AKAP6: variants seen among roughly 807,000 people sequenced by gnomAD.
The protein encoded by AKAP6 is A-kinase anchoring protein 6, also known as A-kinase anchor protein 6.
In AKAP6, 58 loss-of-function variants were observed where a neutral mutation model predicts 188.5. The observed-to-expected ratio is 0.31, with a 90% CI of 0.25 to 0.38. The LOEUF (loss-of-function observed/expected upper bound fraction) is 0.38. Among genes scored for constraint, AKAP6 ranks in the 10% least tolerant of loss-of-function variants. The pLI is 1.00. For missense variants in AKAP6, 2,710 were observed against 2,740.0 expected, an observed-to-expected ratio of 0.99 and a Z score of 0.24; for synonymous variants, 989 against 998.6, an observed-to-expected ratio of 0.99 and a Z score of 0.18.
At chr14:32,335,937 T>C (rs1886684788) in intron 1 of AKAP6, among the ~76,000 whole-genome samples, 1 of 151,890 alleles carries the variant, frequency 6.6e-6, no homozygotes, top group Non-Finnish European at 1.5e-5. Context: ...GTTCATTTTT[T>C]TTTTTCAATT....
intron 2 of AKAP6, chr14:32,474,301 A>C (rs1878940494): frequency 6.6e-6 from 1 of 152,186 alleles, no homozygotes; most frequent in African/African-American, 2.4e-5. Flanking sequence ...AACTTGGAGG[A>C]GGTGAAATTC....
At chr14:32,524,669 A>C (rs1030256573) in intron 2 of AKAP6, among the ~76,000 whole-genome samples, 7 of 152,178 alleles carry the variant, frequency 4.6e-5, no homozygotes, top group African/African-American at 1.7e-4. Flanking sequence ...TGGCGCACAA[A>C]GAATGTAAAT....
chr14:32,774,744 GCATACATACATA>G (rs72019648), intron 12 of AKAP6, among the ~76,000 whole-genome samples: 23 of 151,416 alleles, frequency 1.5e-4, no homozygotes, highest in African/African-American at 4.9e-4. Flanking sequence ...TAAATGGAAT[GCATACATACATA>G]CATACATACA....
intron 3 of AKAP6, among the ~76,000 whole-genome samples, chr14:32,543,399 G>A (rs191742439): frequency 1.3e-5 from 2 of 152,286 alleles, no homozygotes; most frequent in South Asian, 2.1e-4. Flanking sequence ...AGGCAAAATA[G>A]TATTCCATTG....
intron 7 of AKAP6, among the ~76,000 whole-genome samples, chr14:32,658,707 C>A (rs1377657028): frequency 1.3e-5 from 2 of 149,896 alleles, no homozygotes; most frequent in African/African-American, 4.9e-5. Context: ...AAATAACACT[C>A]TTAGGGGTGC....
At chr14:32,437,959 GGACCT>G (rs1363858521) in intron 2 of AKAP6, among the ~76,000 whole-genome samples, 1 of 152,068 alleles carries the variant, frequency 6.6e-6, no homozygotes, top group Non-Finnish European at 1.5e-5. Context: ...TTTTCCCTAA[GGACCT>G]GAGCTGTCAA....
At chr14:32,431,733 C>T (rs921914595) in intron 1 of AKAP6, among the ~76,000 whole-genome samples, 2 of 152,136 alleles carry the variant, frequency 1.3e-5, no homozygotes, top group African/African-American at 2.4e-5. Flanking sequence ...AGGCAGGCCT[C>T]GAACTCCTGA....
intron 11 of AKAP6, among the ~76,000 whole-genome samples, chr14:32,769,037 A>ATTTTTTTGTTTTTTTTTTTTT (rs2032807562): frequency 1.8e-5 from 1 of 56,926 alleles, no homozygotes; most frequent in African/African-American, 7.1e-5. Flanking sequence ...TGCTCTTTTG[A>ATTTTTTTGTTTTTTTTTTTTT]TTTTTTTTTT....
At chr14:32,565,916 C>A (rs1455152050) in intron 4 of AKAP6, among the ~76,000 whole-genome samples, 1 of 152,200 alleles carries the variant, frequency 6.6e-6, no homozygotes, top group African/African-American at 2.4e-5. Context: ...TTACACTTAT[C>A]TGTCAGGGCT....
chr14:32,340,312 T>C (rs1240803349), intron 1 of AKAP6, among the ~76,000 whole-genome samples: 5 of 152,168 alleles, frequency 3.3e-5, no homozygotes, highest in African/African-American at 1.2e-4. Flanking sequence ...GCATCTGCAA[T>C]ATATGGCATG....
At chr14:32,433,415 C>A in intron 1 of AKAP6, 45 bp from the exon 2 acceptor site, 3 of 1,267,666 alleles carry the variant, frequency 2.4e-6, no homozygotes, top group Non-Finnish European at 3.3e-6. Context: ...CTTTATTTGG[C>A]AATCTTGACT....
At chr14:32,372,510 A>G (rs1888039611) in intron 1 of AKAP6, among the ~76,000 whole-genome samples, 1 of 152,028 alleles carries the variant, frequency 6.6e-6, no homozygotes, top group South Asian at 2.1e-4. Flanking sequence ...AAATAGTTAT[A>G]TATTTTTTAA....
chr14:32,577,180 G>C lies in AKAP6; in HGVS notation c.2407G>C (p.Glu803Gln). 6.2e-7 allele frequency: 1 copy of C among 1,612,596 alleles called. No individual in the cohort carries two copies. The highest frequency in any genetic ancestry group is 1.3e-5 in the African/African-American group (1 of 74,916). ...QWLNEAMETT[E>Q]NWTPPKAEMD... ...GTTAAATGAAGCCATGGAAACTACA[G>C]AAAATTGGACTCCCCCTAAAGCAGA... Residue 803 changes from glutamate (E) to glutamine (Q), a missense_variant, in exon 5 of 14, where the codon GAA (glutamate) becomes CAA (glutamine). Coordinates refer to ENST00000280979, the MANE Select transcript of AKAP6 (RefSeq NM_004274.5).
chr14:32,830,031 C>G lies in AKAP6; in HGVS notation c.*226C>G, dbSNP rs117267922. On this transcript the variant is annotated 3_prime_UTR_variant, in exon 14 of 14. Coordinates refer to ENST00000280979, the MANE Select transcript of AKAP6 (RefSeq NM_004274.5). Reference sequence around the variant, plus strand: ...TGTGCGCTGGTTCTCTTTAGGTGATCGTCTTTGAAGTTCAGCAAAGCTGCT... The same window carrying G: ...TGTGCGCTGGTTCTCTTTAGGTGATGGTCTTTGAAGTTCAGCAAAGCTGCT... 1.4e-6 allele frequency: 1 copy of G among 694,850 alleles called. No homozygotes were observed. Among genetic ancestry groups the G allele is most frequent in the South Asian group, 1.5e-5 (1 of 66,678 alleles). 43.0% of individuals were successfully genotyped at this position (694,850 alleles called of 1,614,324 possible). A position where few individuals can be genotyped will look rare whatever the true frequency, so the allele number is the denominator to read the frequency against.
chr14:32,703,519 A>G (rs985715149), intron 9 of AKAP6, among the ~76,000 whole-genome samples: 2 of 152,222 alleles, frequency 1.3e-5, no homozygotes, highest in Non-Finnish European at 2.9e-5. Flanking sequence ...CGACTTGGCA[A>G]TAATAATGCC....
intron 12 of AKAP6, among the ~76,000 whole-genome samples, chr14:32,795,484 CAT>C (rs1199940131): frequency 3.9e-5 from 6 of 152,284 alleles, no homozygotes; most frequent in Non-Finnish European, 8.8e-5. Context: ...GTTGGTTCAA[CAT>C]ATGTGAGTCA....
intron 1 of AKAP6, among the ~76,000 whole-genome samples, chr14:32,403,638 A>T (rs570001274): frequency 3.2e-4 from 48 of 152,332 alleles, no homozygotes; most frequent in South Asian, 1.0e-3. Flanking sequence ...CATCTGTAAG[A>T]TGGGAATAGT....
intron 1 of AKAP6, among the ~76,000 whole-genome samples, chr14:32,341,144 A>T (rs1460404816): frequency 6.6e-6 from 1 of 152,242 alleles, no homozygotes; most frequent in Non-Finnish European, 1.5e-5. Context: ...TTTCACAAGA[A>T]AATTTTTTTA....
intron 11 of AKAP6, among the ~76,000 whole-genome samples, chr14:32,738,379 C>T (rs902440176): frequency 2.6e-5 from 4 of 152,208 alleles, no homozygotes; most frequent in South Asian, 2.1e-4. Flanking sequence ...GGTCCCAAAA[C>T]GAGTCGAGGA....
Sources: allele counts gnomAD v4.1 joint callset (sites outside exome capture counted in the v4.1 genomes callset), GRCh38; gene constraint gnomAD v4.1.1; transcripts MANE v1.5; gene names NCBI Gene and HGNC (gene_info 2026-07-23, HGNC 2026-07-21).